The following CPED1 variants were observed in gnomAD, a reference collection of about 807,000 sequenced individuals.
CPED1 encodes cadherin like and PC-esterase domain containing 1, also known as cadherin-like and PC-esterase domain-containing protein 1.
CPED1 carries 114 observed loss-of-function variants against 128.2 expected under a neutral mutation model. The observed-to-expected ratio is 0.89, with a 90% CI of 0.76 to 1.04. The LOEUF (loss-of-function observed/expected upper bound fraction) is 1.04, where lower values mean the gene tolerates loss of function less well. Ranked by LOEUF, CPED1 falls within the 50% of genes least tolerant of loss-of-function variation. The probability of loss-of-function intolerance (pLI) is 0.00; values close to 1 mark genes in which losing one functional copy is unlikely to be tolerated. For synonymous variants in CPED1, 462 were observed against 426.7 expected, an observed-to-expected ratio of 1.08 and a Z score of -1.02; for missense variants, 1,211 against 1,207.1, an observed-to-expected ratio of 1.00 and a Z score of -0.05.
At chr7:121,136,308 C>T (rs897245561) in intron 14 of CPED1, among the ~76,000 whole-genome samples, 6 of 152,022 alleles carry the variant, frequency 3.9e-5, no homozygotes, top group African/African-American at 1.2e-4. Context: ...ACAATGACTT[C>T]CAAACCCACT....
chr7:121,050,034 T>A (rs1302863548), intron 4 of CPED1, among the ~76,000 whole-genome samples: 4 of 152,212 alleles, frequency 2.6e-5, no homozygotes, highest in Non-Finnish European at 5.9e-5. Flanking sequence ...GCTGCTTAAA[T>A]CTGTTACACT....
At position 121,020,804 on chromosome 7, in the gene CPED1, T is replaced by C. The variant is rs775969757; in HGVS notation, c.433+4956T>C. ...TCTCAGGAAGAAGGAACCATTATGATTCATCCCCCTAACTTCCCACATGCT... is the reference window on the plus strand; with the variant it reads ...TCTCAGGAAGAAGGAACCATTATGACTCATCCCCCTAACTTCCCACATGCT... On this transcript the variant is annotated intron_variant, in intron 3 of 22. Transcript: ENST00000310396. 9.7e-4 allele frequency among the ~76,000 whole-genome samples: 148 copies of C among 152,046 alleles called. 2 individuals carry two copies. The highest frequency in any genetic ancestry group is 3.4e-4 in the Non-Finnish European group (23 of 67,844).
chr7:121,230,361 T>C (rs1798108623), intron 16 of CPED1, among the ~76,000 whole-genome samples: 1 of 152,034 alleles, frequency 6.6e-6, no homozygotes, highest in African/African-American at 2.4e-5. Context: ...TTATTGGGGA[T>C]GGAACAGATT....
chr7:121,028,899 T>A (rs766653526), intron 3 of CPED1, among the ~76,000 whole-genome samples: 9 of 152,212 alleles, frequency 5.9e-5, no homozygotes, highest in Admixed American at 1.3e-4. Context: ...TGTTTCTTTA[T>A]AAGCTTTTAT....
At chr7:121,255,217 A>T (rs1584635395) in intron 18 of CPED1, among the ~76,000 whole-genome samples, 1 of 152,214 alleles carries the variant, frequency 6.6e-6, no homozygotes, top group East Asian at 1.9e-4. Context: ...CACTACAACC[A>T]AGTAGGCATT....
intron 16 of CPED1, among the ~76,000 whole-genome samples, chr7:121,170,632 A>G (rs796738604): frequency 1.3e-5 from 2 of 152,194 alleles, no homozygotes; most frequent in South Asian, 4.2e-4. Context: ...CATGGAGCTC[A>G]CAGTCTAGTG....
At chr7:121,007,735 AT>A (rs1245630329) in intron 2 of CPED1, among the ~76,000 whole-genome samples, 1 of 152,130 alleles carries the variant, frequency 6.6e-6, no homozygotes, top group Non-Finnish European at 1.5e-5. Context: ...GAATGTTTTC[AT>A]TCTCTGTACC....
chr7:121,033,924 C>G (rs1385990554), intron 3 of CPED1, among the ~76,000 whole-genome samples: 1 of 152,192 alleles, frequency 6.6e-6, no homozygotes, highest in Non-Finnish European at 1.5e-5. Flanking sequence ...TTAGACTTCT[C>G]ACAATCCCCA....
At chr7:120,991,604 G>T (rs1562983680) in intron 2 of CPED1, among the ~76,000 whole-genome samples, 1 of 152,180 alleles carries the variant, frequency 6.6e-6, no homozygotes. Flanking sequence ...CACTCTGTGT[G>T]ATTCCTACTT....
At chr7:121,139,180 G>T (rs1022402303) in intron 14 of CPED1, among the ~76,000 whole-genome samples, 1 of 151,718 alleles carries the variant, frequency 6.6e-6, no homozygotes, top group Non-Finnish European at 1.5e-5. Context: ...TGACCATTAG[G>T]TCAAATTACA....
At chr7:121,178,064 A>G (rs1436542757) in intron 16 of CPED1, among the ~76,000 whole-genome samples, 4 of 152,206 alleles carry the variant, frequency 2.6e-5, no homozygotes, top group Non-Finnish European at 4.4e-5. Flanking sequence ...TCTTGAATCC[A>G]GATCTTTTTG....
chr7:121,267,508 C>A (rs1367703200), intron 21 of CPED1, among the ~76,000 whole-genome samples: 4 of 152,020 alleles, frequency 2.6e-5, no homozygotes, highest in Non-Finnish European at 4.4e-5. Context: ...CAGGTTCATG[C>A]TGAATCCACA....
chr7:121,215,125 C>A (rs1199219354), intron 16 of CPED1, among the ~76,000 whole-genome samples: 1 of 151,998 alleles, frequency 6.6e-6, no homozygotes, highest in Non-Finnish European at 1.5e-5. Flanking sequence ...CAACCATGTT[C>A]CGATGCCATA....
intron 4 of CPED1, among the ~76,000 whole-genome samples, chr7:121,062,201 C>G (rs112734532): frequency 6.6e-6 from 1 of 152,216 alleles, no homozygotes; most frequent in South Asian, 2.1e-4. Context: ...GCTACTTACC[C>G]AGTGCTGATT....
At chr7:121,015,569 A>G (rs1414311153) in intron 2 of CPED1, 96 bp from the exon 3 acceptor site, 28 of 1,148,672 alleles carry the variant, frequency 2.4e-5, no homozygotes, top group Non-Finnish European at 3.2e-5. Context: ...AAACTTTAGA[A>G]TAACTTCCCA....
At chr7:121,287,817 T>A (rs563530171) in intron 22 of CPED1, among the ~76,000 whole-genome samples, 1 of 152,334 alleles carries the variant, frequency 6.6e-6, no homozygotes, top group African/African-American at 2.4e-5. Flanking sequence ...CATTAAACTT[T>A]TGATATATTT....
At chr7:121,245,128 T>C (rs919671405) in intron 18 of CPED1, among the ~76,000 whole-genome samples, 10 of 152,132 alleles carry the variant, frequency 6.6e-5, no homozygotes, top group Non-Finnish European at 1.5e-4. Context: ...TTCACAAAGC[T>C]CTATTAAAAC....
intron 5 of CPED1, among the ~76,000 whole-genome samples, chr7:121,067,711 C>A (rs904151092): frequency 1.1e-4 from 17 of 152,288 alleles, no homozygotes; most frequent in Admixed American, 3.3e-4. Context: ...AATGGTTGAA[C>A]TAGTTTACAG....
At chr7:121,104,653 A>G (rs1000663674) in intron 7 of CPED1, among the ~76,000 whole-genome samples, 1 of 152,158 alleles carries the variant, frequency 6.6e-6, no homozygotes, top group African/African-American at 2.4e-5. Context: ...CAGCCATCCC[A>G]TATTTGAAGA....
Sources: allele counts gnomAD v4.1 joint callset (sites outside exome capture counted in the v4.1 genomes callset), GRCh38; gene constraint gnomAD v4.1.1; transcripts MANE v1.5; gene names NCBI Gene and HGNC (gene_info 2026-07-23, HGNC 2026-07-21).